SLC38A6: variants seen among roughly 807,000 people sequenced by gnomAD.
The protein encoded by SLC38A6 is solute carrier family 38 member 6.
A neutral mutation model predicts 65.0 loss-of-function variants in SLC38A6; 73 were observed. The observed-to-expected ratio is 1.12, with a 90% CI of 0.93 to 1.37. SLC38A6 has a LOEUF of 1.37. Among genes scored for constraint, SLC38A6 ranks in the 40% most tolerant of loss-of-function variants. SLC38A6 has a pLI of 0.00. For missense variants in SLC38A6, 561 were observed against 531.1 expected, an observed-to-expected ratio of 1.06 and a Z score of -0.55; for synonymous variants, 183 against 178.8, an observed-to-expected ratio of 1.02 and a Z score of -0.19.
At chr14:60,994,513 C>A (rs1030639326) in intron 3 of SLC38A6, among the ~76,000 whole-genome samples, 1 of 152,040 alleles carries the variant, frequency 6.6e-6, no homozygotes, top group Non-Finnish European at 1.5e-5. Flanking sequence ...CCATTGCACT[C>A]CAGCCTGAGC....
intron 3 of SLC38A6, among the ~76,000 whole-genome samples, chr14:61,002,566 A>G (rs2038784945): frequency 1.3e-5 from 2 of 152,266 alleles, no homozygotes; most frequent in South Asian, 4.1e-4. Flanking sequence ...AATGCAAAAC[A>G]GAACACTGGA....
chr14:60,994,931 G>T (rs2038170671), intron 3 of SLC38A6, among the ~76,000 whole-genome samples: 1 of 147,112 alleles, frequency 6.8e-6, no homozygotes. Context: ...TTCAACCCAG[G>T]TGATGGAGGT....
chr14:61,054,869 T>C (rs2042652573), downstream of SLC38A6, among the ~76,000 whole-genome samples: 1 of 152,184 alleles, frequency 6.6e-6, no homozygotes, highest in South Asian at 2.1e-4. Context: ...CTTGCCTGAC[T>C]GCTCTGGCTA....
intron 12 of SLC38A6, among the ~76,000 whole-genome samples, chr14:61,049,835 G>A (rs1436071495): frequency 6.6e-6 from 1 of 152,060 alleles, no homozygotes; most frequent in African/African-American, 2.4e-5. Context: ...CCCTTGTCTG[G>A]GTTGAGGTTA....
chr14:61,070,156 C>G (rs984150804), intron 15 of SLC38A6, among the ~76,000 whole-genome samples: 1 of 152,172 alleles, frequency 6.6e-6, no homozygotes, highest in Non-Finnish European at 1.5e-5. Flanking sequence ...ATACCTAAAA[C>G]TTTTTCATCC....
intron 1 of SLC38A6, 24 bp from the exon 2 acceptor site, chr14:60,982,484 A>G (rs2037132429): frequency 3.1e-6 from 5 of 1,595,978 alleles, no homozygotes; most frequent in East Asian, 2.2e-5. Context: ...AACATTTAAC[A>G]CTACTAAATT....
intron 3 of SLC38A6, among the ~76,000 whole-genome samples, chr14:61,003,642 A>G (rs931349074): frequency 6.6e-6 from 1 of 152,294 alleles, no homozygotes; most frequent in South Asian, 2.1e-4. Context: ...CCTAGTGTTG[A>G]TTTGGTTTAT....
chr14:61,019,476 A>G, intron 4 of SLC38A6, 65 bp from the exon 5 acceptor site: 1 of 1,551,288 alleles, frequency 6.4e-7, no homozygotes, highest in Non-Finnish European at 8.9e-7. Flanking sequence ...CTGGATTTTA[A>G]TAAAATACTG....
At chr14:60,998,947 A>C (rs1485557277) in intron 3 of SLC38A6, among the ~76,000 whole-genome samples, 1 of 152,264 alleles carries the variant, frequency 6.6e-6, no homozygotes, top group Non-Finnish European at 1.5e-5. Flanking sequence ...TTCATGGACA[A>C]CTAAGCTGAA....
chr14:61,073,346 A>G (rs1289470340), intron 15 of SLC38A6, among the ~76,000 whole-genome samples: 2 of 152,142 alleles, frequency 1.3e-5, no homozygotes, highest in African/African-American at 2.4e-5. Flanking sequence ...ATGATATTAA[A>G]CCTACTGAGG....
At chr14:61,013,797 C>G (rs2039772845) in intron 3 of SLC38A6, among the ~76,000 whole-genome samples, 1 of 152,188 alleles carries the variant, frequency 6.6e-6, no homozygotes, top group South Asian at 2.1e-4. Context: ...ACCCGACTTT[C>G]TCTCTGGCTG....
At chr14:61,006,907 A>G (rs910208919) in intron 3 of SLC38A6, among the ~76,000 whole-genome samples, 4 of 152,222 alleles carry the variant, frequency 2.6e-5, no homozygotes, top group African/African-American at 9.6e-5. Flanking sequence ...ACAATAGCAA[A>G]GACTTGGAAC....
chr14:61,071,942 C>A (rs1367804657), intron 15 of SLC38A6, among the ~76,000 whole-genome samples: 1 of 151,932 alleles, frequency 6.6e-6, no homozygotes, highest in African/African-American at 2.4e-5. Flanking sequence ...CTGATGAGTC[C>A]CATGTGAGAA....
chr14:61,016,051 C>A, intron 4 of SLC38A6, 95 bp downstream of exon 4: 6 of 825,866 alleles, frequency 7.3e-6, no homozygotes, highest in South Asian at 6.5e-5. Context: ...AAGAGGAAGA[C>A]ATTAGAGGAA....
intron 5 of SLC38A6, among the ~76,000 whole-genome samples, chr14:61,028,832 A>G (rs1175739316): frequency 1.3e-5 from 2 of 152,196 alleles, no homozygotes; most frequent in Non-Finnish European, 2.9e-5. Flanking sequence ...TTGAGAGTGT[A>G]TGTTTTTGTG....
At chr14:61,063,754 A>G (rs1048940559) in intron 15 of SLC38A6, among the ~76,000 whole-genome samples, 1 of 152,212 alleles carries the variant, frequency 6.6e-6, no homozygotes, top group South Asian at 2.1e-4. Context: ...TAAAAGACCA[A>G]GCTCTTGGGT....
intron 5 of SLC38A6, among the ~76,000 whole-genome samples, chr14:61,019,900 TTTCCCTC>T (rs2139578967): frequency 6.6e-6 from 1 of 152,256 alleles, no homozygotes; most frequent in Admixed American, 6.5e-5. Context: ...TTTAAAATAT[TTTCCCTC>T]TACTTTTGTT....
At chr14:61,008,004 C>T (rs2039278784) in intron 3 of SLC38A6, among the ~76,000 whole-genome samples, 1 of 151,950 alleles carries the variant, frequency 6.6e-6, no homozygotes, top group South Asian at 2.1e-4. Flanking sequence ...GGAAAAAATT[C>T]TAGTTCTTAG....
chr14:61,032,556 A>G (rs1380474283), intron 6 of SLC38A6, among the ~76,000 whole-genome samples: 1 of 151,944 alleles, frequency 6.6e-6, no homozygotes, highest in Non-Finnish European at 1.5e-5. Context: ...AAAATCATAT[A>G]CTTCAAAATA....
Sources: allele counts gnomAD v4.1 joint callset (sites outside exome capture counted in the v4.1 genomes callset), GRCh38; gene constraint gnomAD v4.1.1; transcripts MANE v1.5; gene names NCBI Gene and HGNC (gene_info 2026-07-23, HGNC 2026-07-21).